CMKLR1: variants seen among roughly 807,000 people sequenced by gnomAD.
The protein encoded by CMKLR1 is chemerin-like receptor 1.
CMKLR1 carries 6 observed loss-of-function variants against 8.2 expected under a neutral mutation model. The observed-to-expected ratio is 0.73, with a 90% CI of 0.40 to 1.44. CMKLR1 has a LOEUF of 1.44. CMKLR1 is among the 40% of genes most tolerant of loss of function. The pLI is 0.02. For synonymous variants in CMKLR1, 178 were observed against 181.2 expected, an observed-to-expected ratio of 0.98 and a Z score of 0.14; for missense variants, 429 against 478.0, an observed-to-expected ratio of 0.90 and a Z score of 0.96.
At chr12:108,310,300 G>A (rs569007835) in intron 2 of CMKLR1, among the ~76,000 whole-genome samples, 2 of 152,210 alleles carry the variant, frequency 1.3e-5, no homozygotes, top group Admixed American at 6.5e-5. Flanking sequence ...GCAATAGGGA[G>A]CCATGGATGG....
intron 2 of CMKLR1, among the ~76,000 whole-genome samples, chr12:108,310,163 CTGTGTGTGTGTG>C (rs35140046): frequency 3.5e-5 from 5 of 142,416 alleles, no homozygotes; most frequent in Non-Finnish European, 6.2e-5. Flanking sequence ...TGGTTAGGGG[CTGTGTGTGTGTG>C]TGTGTGTGTG....
chr12:108,332,083 T>G (rs1377144859), intron 1 of CMKLR1, among the ~76,000 whole-genome samples: 1 of 152,188 alleles, frequency 6.6e-6, no homozygotes, highest in Non-Finnish European at 1.5e-5. Flanking sequence ...AGGATGGGCA[T>G]TTGAGTGTCC....
chr12:108,318,078 A>G (rs1416128767), intron 2 of CMKLR1, among the ~76,000 whole-genome samples: 2 of 152,266 alleles, frequency 1.3e-5, no homozygotes, highest in Non-Finnish European at 2.9e-5. Flanking sequence ...ATAGCTGCAT[A>G]GTATTCCATT....
chr12:108,317,466 G>C lies in CMKLR1; in HGVS notation c.-74+12529C>G, dbSNP rs145215878. Among the ~76,000 whole-genome samples, 43 of 152,324 alleles carry C rather than the reference G, an allele frequency of 2.8e-4. 4 individuals carry two copies. Among genetic ancestry groups the C allele is most frequent in the African/African-American group, 9.6e-4 (40 of 41,570 alleles). On this transcript the variant is annotated intron_variant, in intron 2 of 3. Coordinates refer to ENST00000550402, the MANE Select transcript of CMKLR1 (RefSeq NM_001142343.2). ...ATGAGGATGATGTGGACACTGGAGG[G>C]AGGGGTGGGCTCTGTGTAAACCCCA...
intron 1 of CMKLR1, among the ~76,000 whole-genome samples, chr12:108,336,471 G>A (rs191832668): frequency 3.7e-4 from 57 of 152,056 alleles, no homozygotes; most frequent in Middle Eastern, 3.4e-3. Flanking sequence ...GCGTGAACCC[G>A]GGAGGCAGAG....
Position 108,291,940 on chromosome 12 carries a change from A to G in CMKLR1, c.1023T>C (p.Asp341=), listed in dbSNP as rs540101575. 2.5e-5 allele frequency: 41 copies of G among 1,614,190 alleles called. No homozygotes were observed. The South Asian group carries it at 4.3e-4, about 17-fold the overall frequency. Residue 341 remains aspartate (D), a synonymous_variant, in exon 4 of 4, where the codon GAT becomes GAC. Coordinates refer to ENST00000550402, the MANE Select transcript of CMKLR1 (RefSeq NM_001142343.2). ...GGCTGGGGTAGGAAGAGTGGCCTGTATCTTCACTTAGAGCATTGACCAGGC... is the reference window on the plus strand; with the variant it reads ...GGCTGGGGTAGGAAGAGTGGCCTGTGTCTTCACTTAGAGCATTGACCAGGC... ...FSRLVNALSE[D]TGHSSYPSHR... is the part of the protein sequence containing the mutation.
chr12:108,307,008 G>T (rs1891427096), intron 2 of CMKLR1, among the ~76,000 whole-genome samples: 1 of 152,108 alleles, frequency 6.6e-6, no homozygotes, highest in Admixed American at 6.5e-5. Flanking sequence ...CATCCAGCTT[G>T]TGCCTCTCCC....
intron 2 of CMKLR1, among the ~76,000 whole-genome samples, chr12:108,318,791 G>A (rs1340877842): frequency 6.6e-6 from 1 of 152,202 alleles, no homozygotes; most frequent in Non-Finnish European, 1.5e-5. Context: ...AGGTGCCTTT[G>A]GTGGCCCCAA....
intron 2 of CMKLR1, among the ~76,000 whole-genome samples, chr12:108,295,282 C>T: frequency 6.6e-6 from 1 of 152,254 alleles, no homozygotes. Flanking sequence ...CCCAAGCATG[C>T]AGGCAGGGGC....
rs1410513766 is a variant in CMKLR1 at position 108,299,663 on chromosome 12, G to T, written c.-73-5999C>A. Among the ~76,000 whole-genome samples the T allele has an allele frequency of 7.2e-5, 11 of 152,272 alleles. No individual in the cohort carries two copies. In the East Asian group the frequency reaches 7.7e-4, roughly 11 times the overall value. On this transcript the variant is annotated intron_variant, in intron 2 of 3. Transcript: ENST00000550402. ...CACCGTATAAGAGGAAAAGCAGGGG[G>T]AAGATTTCACATGGACACAGAACAG...
At chr12:108,332,440 G>A (rs1391789239) in intron 1 of CMKLR1, among the ~76,000 whole-genome samples, 1 of 152,212 alleles carries the variant, frequency 6.6e-6, no homozygotes, top group African/African-American at 2.4e-5. Context: ...AATCCTGCAT[G>A]TGTCTGTGTG....
At chr12:108,304,183 G>A (rs922674778) in intron 2 of CMKLR1, among the ~76,000 whole-genome samples, 3 of 152,146 alleles carry the variant, frequency 2.0e-5, no homozygotes, top group African/African-American at 7.2e-5. Flanking sequence ...GGGTCTCCAT[G>A]GGTCGACTTG....
At chr12:108,326,235 T>TGCA (rs1233687920) in intron 2 of CMKLR1, among the ~76,000 whole-genome samples, 1 of 152,218 alleles carries the variant, frequency 6.6e-6, no homozygotes. Context: ...CTCAGGTCCT[T>TGCA]GCAGCAGAGG....
intron 2 of CMKLR1, 150 bp from the exon 3 acceptor site, chr12:108,293,814 C>T: frequency 1.6e-6 from 1 of 611,500 alleles, no homozygotes; most frequent in Non-Finnish European, 2.9e-6. Flanking sequence ...TGTTATTCAG[C>T]CAAGGTTATG....
intron 2 of CMKLR1, among the ~76,000 whole-genome samples, chr12:108,303,417 A>G (rs2137306488): frequency 6.6e-6 from 1 of 152,352 alleles, no homozygotes; most frequent in African/African-American, 2.4e-5. Context: ...GTTTTATTAA[A>G]CAAATACACG....
chr12:108,292,949 T>C lies in CMKLR1; in HGVS notation c.14A>G (p.Asp5Gly). Residue 5 changes from aspartate (D) to glycine (G), a missense_variant, in exon 4 of 4, where the codon GAT becomes GGT. Coordinates refer to ENST00000550402, the MANE Select transcript of CMKLR1 (RefSeq NM_001142343.2). MRME[D>G]EDYNTSISYG... ...ACTGATGGAAGTGTTGTAATCTTCA[T>C]CCTCCATTCTCTGCAAGAGAAGACA... The C allele has an allele frequency of 1.2e-6, 2 of 1,606,310 alleles. No individual in the cohort carries two copies. Among genetic ancestry groups the C allele is most frequent in the Non-Finnish European group, 1.7e-6 (2 of 1,174,852 alleles).
chr12:108,334,542 C>G (rs994081950), intron 1 of CMKLR1, among the ~76,000 whole-genome samples: 4 of 152,212 alleles, frequency 2.6e-5, no homozygotes, highest in Non-Finnish European at 5.9e-5. Context: ...CAGTCAGCAG[C>G]CTTGGCCCAT....
At chr12:108,308,930 G>A (rs948746305) in intron 2 of CMKLR1, among the ~76,000 whole-genome samples, 1 of 152,146 alleles carries the variant, frequency 6.6e-6, no homozygotes, top group Non-Finnish European at 1.5e-5. Context: ...AGGGGTAGTC[G>A]GGGGTGACAG....
chr12:108,309,222 A>G (rs1891489031), intron 2 of CMKLR1, among the ~76,000 whole-genome samples: 1 of 152,214 alleles, frequency 6.6e-6, no homozygotes, highest in Admixed American at 6.5e-5. Context: ...AATACAATGA[A>G]TATAATAGCA....
Sources: gnomAD v4.1 joint callset for allele counts (sites outside exome capture counted in the v4.1 genomes callset) on GRCh38, gnomAD v4.1.1 for gene constraint, MANE v1.5 for transcripts, NCBI Gene and HGNC (gene_info 2026-07-23, HGNC 2026-07-21) for gene names.